Variants in SV2B observed in about 807,000 individuals in gnomAD.
The protein encoded by SV2B is solute carrier family 22 member B2.
In SV2B, 41 loss-of-function variants were observed where a neutral mutation model predicts 73.9. The observed-to-expected ratio is 0.56, with a 90% CI of 0.43 to 0.72. SV2B has a LOEUF of 0.72. Among genes scored for constraint, SV2B ranks in the 30% least tolerant of loss-of-function variants. The probability of loss-of-function intolerance (pLI) is 0.00; values close to 1 mark genes in which losing one functional copy is unlikely to be tolerated. For synonymous variants in SV2B, 314 were observed against 314.2 expected (o/e 1.00, Z 0.01); for missense variants, 764 against 857.8 (o/e 0.89, Z 1.37).
chr15:91,159,738 A>T (rs2043643434), intron 1 of SV2B, among the ~76,000 whole-genome samples: 1 of 152,224 alleles, frequency 6.6e-6, no homozygotes, highest in Non-Finnish European at 1.5e-5. Flanking sequence ...GACTATAAAT[A>T]TATCCACTTA....
chr15:91,203,075 C>T (rs2045516914), intron 1 of SV2B, among the ~76,000 whole-genome samples: 1 of 152,162 alleles, frequency 6.6e-6, no homozygotes, highest in African/African-American at 2.4e-5. Flanking sequence ...TTATTTAATC[C>T]AGCAGTTAGG....
intron 1 of SV2B, among the ~76,000 whole-genome samples, chr15:91,182,381 A>G (rs1367141350): frequency 6.6e-6 from 1 of 152,218 alleles, no homozygotes; most frequent in Non-Finnish European, 1.5e-5. Context: ...CATTTGTTGA[A>G]TGCACGCATG....
chr15:91,266,567 A>T lies in SV2B; in HGVS notation c.1009-15A>T, dbSNP rs1017036876. 6.2e-7 allele frequency: 1 copy of T among 1,603,188 alleles called. No individual in the cohort carries two copies. The highest frequency in any genetic ancestry group is 8.5e-7 in the Non-Finnish European group (1 of 1,170,524). On this transcript the variant is annotated splice_polypyrimidine_tract_variant and intron_variant, in intron 6 of 12. Transcript: ENST00000394232. ...GTGGGGTTCAAATTCTCTATATCCT[A>T]TTTTTACTTTTCAGGTTTCCAACAT...
At chr15:91,127,380 T>C (rs1045906699) in intron 1 of SV2B, among the ~76,000 whole-genome samples, 1 of 151,924 alleles carries the variant, frequency 6.6e-6, no homozygotes, top group African/African-American at 2.4e-5. Context: ...GTGCCCTTTG[T>C]GTGGCTGTTC....
chr15:91,147,525 A>C (rs1403289747), intron 1 of SV2B, among the ~76,000 whole-genome samples: 1 of 152,192 alleles, frequency 6.6e-6, no homozygotes, highest in Non-Finnish European at 1.5e-5. Flanking sequence ...TCCCCAGCCC[A>C]GGGGAATCTC....
intron 1 of SV2B, among the ~76,000 whole-genome samples, chr15:91,201,733 C>A (rs994641889): frequency 6.6e-6 from 1 of 152,180 alleles, no homozygotes; most frequent in Non-Finnish European, 1.5e-5. Flanking sequence ...CATCTTTTAT[C>A]GGATCCATCT....
At chr15:91,251,520 TACA>T (rs989652452) in intron 2 of SV2B, among the ~76,000 whole-genome samples, 14 of 152,338 alleles carry the variant, frequency 9.2e-5, no homozygotes, top group African/African-American at 3.1e-4. Context: ...CTTAAAAAAT[TACA>T]ACATTTCCCT....
chr15:91,165,011 G>C (rs1212032546), intron 1 of SV2B, among the ~76,000 whole-genome samples: 2 of 152,258 alleles, frequency 1.3e-5, no homozygotes, highest in Admixed American at 1.3e-4. Context: ...TTTGGCGTCT[G>C]CATCTGTGGA....
intron 1 of SV2B, among the ~76,000 whole-genome samples, chr15:91,168,705 C>T (rs758965838): frequency 1.3e-5 from 2 of 152,124 alleles, no homozygotes; most frequent in Non-Finnish European, 2.9e-5. Context: ...ATTGGTTGTT[C>T]TTTGAGTTGT....
At chr15:91,278,459 T>C (rs576656610) in intron 9 of SV2B, among the ~76,000 whole-genome samples, 1 of 151,802 alleles carries the variant, frequency 6.6e-6, no homozygotes, top group Admixed American at 6.6e-5. Flanking sequence ...GGGTGGATCA[T>C]GAGGTCAGGA....
chr15:91,100,332 C>G lies in SV2B; in HGVS notation c.-423C>G, dbSNP rs1183733417. 6.6e-6 allele frequency: 1 copy of G among 152,246 alleles called. No individual in the cohort carries two copies. Among genetic ancestry groups the G allele is most frequent in the Non-Finnish European group, 1.5e-5 (1 of 68,062 alleles). The allele number at this position is 152,246 out of a possible 1,614,324, so 9.4% of individuals were successfully genotyped here. On this transcript the variant is annotated 5_prime_UTR_variant, in exon 1 of 13. Transcript: ENST00000394232. This position sits in a 1 kb window ranked among gnomAD's most constrained non-coding sequence, Gnocchi z 6.4. ...GGGCGGACGCTGCTCTGCCTGCATCCGGAGGCGGCCGCCAGCGGATTTGCC... is the reference window on the plus strand; with the variant it reads ...GGGCGGACGCTGCTCTGCCTGCATCGGGAGGCGGCCGCCAGCGGATTTGCC...
At chr15:91,292,253 A>G in intron 12 of SV2B, 116 bp from the exon 13 acceptor site, 2 of 931,218 alleles carry the variant, frequency 2.1e-6, no homozygotes, top group South Asian at 2.0e-5. Context: ...TTTTATATTT[A>G]GGAAAAAAAA....
At position 91,299,879 on chromosome 15, in the gene SV2B, A is replaced by T. The variant is rs1004818489; in HGVS notation, c.*7327A>T. 6.6e-5 allele frequency: 10 copies of T among 152,182 alleles called. No homozygotes were observed. The highest frequency in any genetic ancestry group is 1.2e-4 in the Non-Finnish European group (8 of 68,030). The allele number at this position is 152,182 out of a possible 1,614,324, so 9.4% of individuals were successfully genotyped here. On this transcript the variant is annotated 3_prime_UTR_variant, in exon 13 of 13. Transcript: ENST00000394232. Reference sequence around the variant, plus strand: ...AGGCTCGTCTCGAACTCCTGGCCTCAAGTGATCTGCCCGCCTCAGCCTCCC... The same window carrying T: ...AGGCTCGTCTCGAACTCCTGGCCTCTAGTGATCTGCCCGCCTCAGCCTCCC...
chr15:91,115,783 G>T lies in SV2B; in HGVS notation c.-392+15420G>T, dbSNP rs2042162125. 1.3e-5 allele frequency among the ~76,000 whole-genome samples: 2 copies of T among 152,078 alleles called. No individual in the cohort carries two copies. The highest frequency in any genetic ancestry group is 2.1e-4 in the South Asian group (1 of 4,830). On this transcript the variant is annotated intron_variant, in intron 1 of 12. Coordinates refer to ENST00000394232, the MANE Select transcript of SV2B (RefSeq NM_001323032.3). This position sits in a 1 kb window ranked among gnomAD's most constrained non-coding sequence, Gnocchi z 4.3. ...AGAATTAAACTATGCAAAATTCAAA[G>T]ATATAATTCTCCCTAAAATGCCTTT...
chr15:91,219,334 A>G (rs972746696), intron 1 of SV2B, among the ~76,000 whole-genome samples: 3 of 152,120 alleles, frequency 2.0e-5, no homozygotes, highest in African/African-American at 7.2e-5. Flanking sequence ...GCAGTAATCC[A>G]CCGGGCTTAT....
intron 1 of SV2B, among the ~76,000 whole-genome samples, chr15:91,165,211 C>T (rs1260996703): frequency 1.3e-5 from 2 of 152,058 alleles, no homozygotes; most frequent in Non-Finnish European, 2.9e-5. Context: ...GTGGCGAGCC[C>T]CTGTAATCCC....
At chr15:91,104,960 C>T (rs1261267015) in intron 1 of SV2B, among the ~76,000 whole-genome samples, 1 of 152,172 alleles carries the variant, frequency 6.6e-6, no homozygotes, top group Non-Finnish European at 1.5e-5. Flanking sequence ...GTGCTGTTGG[C>T]TAGGTTTCCT....
At chr15:91,102,775 C>A (rs2041770433) in intron 1 of SV2B, among the ~76,000 whole-genome samples, 1 of 152,072 alleles carries the variant, frequency 6.6e-6, no homozygotes, top group African/African-American at 2.4e-5. Context: ...TACAGCTTGG[C>A]CAGGGAAGGC....
chr15:91,199,310 G>A (rs2045376568), intron 1 of SV2B, among the ~76,000 whole-genome samples: 1 of 152,206 alleles, frequency 6.6e-6, no homozygotes, highest in Admixed American at 6.5e-5. Context: ...GTGACCGGCA[G>A]TGAGGTTTGT....
Sources: allele counts gnomAD v4.1 joint callset (sites outside exome capture counted in the v4.1 genomes callset), GRCh38; gene constraint gnomAD v4.1.1; non-coding constraint Gnocchi (gnomAD v3.1); transcripts MANE v1.5; gene names NCBI Gene and HGNC (gene_info 2026-07-23, HGNC 2026-07-21).